Variants in HLA-DPA1 observed in about 807,000 individuals in gnomAD.
HLA-DPA1 encodes the protein major histocompatibility complex, class II, DP alpha 1.
HLA-DPA1 carries 20 observed loss-of-function variants against 21.5 expected under a neutral mutation model. That is an observed-to-expected ratio of 0.93 (90% CI 0.66 to 1.35). The LOEUF is 1.35. Among genes scored for constraint, HLA-DPA1 ranks in the 40% most tolerant of loss-of-function variants. The pLI is 0.00. For missense variants in HLA-DPA1, 279 were observed against 323.0 expected (o/e 0.86, Z 1.05); for synonymous variants, 123 against 129.6 (o/e 0.95, Z 0.35).
Position 33,080,023 on chromosome 6 carries a change from T to C in HLA-DPA1, c.-100+657A>G, listed in dbSNP as rs1222119483. ...TTTCCACATCTTTTGACACCAAGTCTTTCTGCAGCCATGTTTGAAAATTAA... is the reference window on the plus strand; with the variant it reads ...TTTCCACATCTTTTGACACCAAGTCCTTCTGCAGCCATGTTTGAAAATTAA... On this transcript the variant is annotated intron_variant, in intron 1 of 5. Transcript: ENST00000419277. The surrounding 1 kb of genome is among the most constrained non-coding windows in gnomAD (Gnocchi z 4.3). Among the ~76,000 whole-genome samples, 1 of 152,226 alleles carries C rather than the reference T, an allele frequency of 6.6e-6. No homozygotes were observed. The highest frequency in any genetic ancestry group is 2.4e-5 in the African/African-American group (1 of 41,456).
chr6:33,078,925 T>A (rs1166579250), intron 1 of HLA-DPA1, among the ~76,000 whole-genome samples: 3 of 152,036 alleles, frequency 2.0e-5, no homozygotes, highest in African/African-American at 7.3e-5. Context: ...GGAGGAGGAA[T>A]CTGGACTCAA....
At chr6:33,079,779 A>G (rs1163983451) in intron 1 of HLA-DPA1, 5 of 484,492 alleles carry the variant, frequency 1.0e-5, no homozygotes, top group East Asian at 1.2e-4. Context: ...AGAACTGCAA[A>G]GTCATCATGG....
chr6:33,072,113 A>G (rs1178599544), intron 2 of HLA-DPA1, among the ~76,000 whole-genome samples: 3 of 152,202 alleles, frequency 2.0e-5, no homozygotes, highest in Admixed American at 6.5e-5. Context: ...CAGGAGAAAA[A>G]TAAGGACAGG....
chr6:33,069,778 T>C, exon 3 of HLA-DPA1: 4 of 1,612,334 alleles, frequency 2.5e-6, no homozygotes, highest in Non-Finnish European at 3.4e-6. Flanking sequence ...GACGGTCTCC[T>C]TCTTGTCCAG....
intron 1 of HLA-DPA1, among the ~76,000 whole-genome samples, chr6:33,078,052 G>A (rs879789952): frequency 5.9e-5 from 9 of 152,044 alleles, no homozygotes; most frequent in African/African-American, 1.2e-4. Context: ...AGGAAGTGAC[G>A]GATGCAGCGC....
intron 2 of HLA-DPA1, 149 bp from the exon 2 acceptor site, chr6:33,070,035 A>G: frequency 3.0e-6 from 2 of 673,100 alleles, no homozygotes; most frequent in Admixed American, 2.8e-5. Flanking sequence ...AGAAGGAGCA[A>G]CACCATAAAG....
chr6:33,065,929 T>C (rs1262476282), intron 5 of HLA-DPA1: 1 of 151,954 alleles, frequency 6.6e-6, no homozygotes, highest in Non-Finnish European at 1.5e-5. Flanking sequence ...TTTGGATGTT[T>C]TGTTAATCAT....
At chr6:33,069,192 C>A in exon 4 of HLA-DPA1, 1 of 1,612,946 alleles carries the variant, frequency 6.2e-7, no homozygotes, top group South Asian at 1.1e-5. Context: ...GTTGCACAGC[C>A]ACGTGACGTT....
intron 2 of HLA-DPA1, 31 bp downstream of exon 1, chr6:33,073,440 C>T (rs1183424675): frequency 1.4e-6 from 2 of 1,443,128 alleles, no homozygotes; most frequent in Non-Finnish European, 9.7e-7. Context: ...ATCACTCACC[C>T]CGACGCTCCT....
At chr6:33,078,626 C>CA (rs34544512) in intron 1 of HLA-DPA1, among the ~76,000 whole-genome samples, 7 of 151,088 alleles carry the variant, frequency 4.6e-5, no homozygotes, top group South Asian at 2.1e-4. Flanking sequence ...TTCTTATATA[C>CA]AAAAAAAAAT....
intron 1 of HLA-DPA1, 31 bp from the exon 1 acceptor site, chr6:33,073,680 G>T: frequency 2.8e-6 from 2 of 725,108 alleles, no homozygotes; most frequent in Non-Finnish European, 4.9e-6. Flanking sequence ...CTGGAAATGG[G>T]TGGAGAGGAA....
intron 5 of HLA-DPA1, chr6:33,066,327 A>G (rs1192582228): frequency 1.3e-5 from 2 of 152,238 alleles, no homozygotes; most frequent in Non-Finnish European, 2.9e-5. Context: ...AGTATAGCAA[A>G]GGAGACACTA....
rs190808430 is a variant in HLA-DPA1 at position 33,070,184 on chromosome 6, C to T, written c.101-298G>A. 5.5e-3 allele frequency among the ~76,000 whole-genome samples: 840 copies of T among 152,314 alleles called. 6 individuals are homozygous for T. Among genetic ancestry groups the T allele is most frequent in the African/African-American group, 0.018 (766 of 41,566 alleles). On this transcript the variant is annotated intron_variant, in intron 2 of 5. Coordinates refer to ENST00000419277, the Ensembl canonical transcript of HLA-DPA1. The stretch of plus-strand genomic sequence containing the variant: ...TGACCCTACACAATAGTAATAGTAA[C>T]AATGACAGCTAACATTTGTTGAGCA...
intron 4 of HLA-DPA1, 61 bp downstream of exon 3, chr6:33,068,958 G>A (rs1042495317): frequency 2.7e-5 from 42 of 1,570,588 alleles, no homozygotes; most frequent in Non-Finnish European, 3.4e-5. Context: ...TGGTGCAGAG[G>A]ACACCAGGTC....
rs781312046 is a variant in HLA-DPA1 at position 33,080,570 on chromosome 6, G to A, written c.-100+110C>T. 6.5e-7 allele frequency: 1 copy of A among 1,549,974 alleles called. No individual in the cohort carries two copies. Among genetic ancestry groups the A allele is most frequent in the East Asian group, 2.3e-5 (1 of 44,058 alleles). On this transcript the variant is annotated intron_variant, in intron 1 of 5. Coordinates refer to ENST00000419277, the Ensembl canonical transcript of HLA-DPA1. The surrounding 1 kb of genome is among the most constrained non-coding windows in gnomAD (Gnocchi z 4.3). ...AACTCCTATTTTAAAATCCAGCCCT[G>A]GGTGGGAAGATTTGGGAAGAATCGT...
intron 2 of HLA-DPA1, among the ~76,000 whole-genome samples, chr6:33,070,453 T>C (rs2150360618): frequency 6.6e-6 from 1 of 152,056 alleles, no homozygotes; most frequent in South Asian, 2.1e-4. Flanking sequence ...GTCATGGGGG[T>C]GGGGGAATGG....
In HLA-DPA1 at chr6:33,068,620, T is replaced by TA; in HGVS notation, c.*12+17_*12+18insT. The stretch of plus-strand genomic sequence containing the variant: ...CTTACATTCTACAAATCCTAGGGCC[T>TA]CCTCTTTACATTCCCACCTTTACAG... On this transcript the variant is annotated intron_variant, in intron 5 of 5. Coordinates refer to ENST00000419277, the Ensembl canonical transcript of HLA-DPA1. 6.5e-7 allele frequency: 1 copy of TA among 1,544,456 alleles called. No individual in the cohort carries two copies. The highest frequency in any genetic ancestry group is 8.7e-7 in the Non-Finnish European group (1 of 1,148,986).
Position 33,074,032 on chromosome 6 carries a change from AT to A in HLA-DPA1, c.-99-364del, listed in dbSNP as rs1174501720. 2.0e-5 allele frequency among the ~76,000 whole-genome samples: 3 copies of A among 152,316 alleles called. No individual in the cohort carries two copies. The East Asian group carries it at 5.8e-4, about 29-fold the overall frequency. ...AATATTTTACAAAAATATTCTGCTG[AT>A]AATTAAGAATGAATGTGCTATCTAA... On this transcript the variant is annotated intron_variant, in intron 1 of 5. Transcript: ENST00000419277.
At chr6:33,067,003 G>A (rs1008785869) in intron 5 of HLA-DPA1, 6 of 152,296 alleles carry the variant, frequency 3.9e-5, no homozygotes, top group African/African-American at 1.4e-4. Context: ...GAGAAGATGA[G>A]CAGTGTTTAG....
Sources: allele counts gnomAD v4.1 joint callset (sites outside exome capture counted in the v4.1 genomes callset), GRCh38; gene constraint gnomAD v4.1.1; non-coding constraint Gnocchi (gnomAD v3.1); transcripts MANE v1.5; gene names NCBI Gene and HGNC (gene_info 2026-07-23, HGNC 2026-07-21).